Variants in SORT1 observed in about 807,000 individuals in gnomAD.
SORT1 encodes the protein sortilin 1.
Under a neutral mutation model 101.7 loss-of-function variants are expected in SORT1, and 39 were observed. That is an observed-to-expected ratio of 0.38 (90% CI 0.30 to 0.50). The LOEUF (loss-of-function observed/expected upper bound fraction) is 0.50. Ranked by LOEUF, SORT1 falls within the 20% of genes least tolerant of loss-of-function variation. The pLI is 0.90. For missense variants in SORT1, 878 were observed against 1,040.4 expected (o/e 0.84, Z 2.15); for synonymous variants, 396 against 393.7 (o/e 1.01, Z -0.07).
chr1:109,321,389 G>A (rs1647616220), intron 15 of SORT1, among the ~76,000 whole-genome samples: 1 of 152,096 alleles, frequency 6.6e-6, no homozygotes, highest in Non-Finnish European at 1.5e-5. Context: ...CATGTGCGGT[G>A]GCATGGAGGT....
At chr1:109,359,883 G>A (rs941417160) in intron 3 of SORT1, among the ~76,000 whole-genome samples, 3 of 152,132 alleles carry the variant, frequency 2.0e-5, no homozygotes, top group African/African-American at 7.2e-5. Flanking sequence ...AGACAAAGGT[G>A]AGACTCAAGG....
intron 17 of SORT1, among the ~76,000 whole-genome samples, chr1:109,315,886 T>G (rs1258998267): frequency 6.6e-6 from 1 of 151,298 alleles, no homozygotes; most frequent in African/African-American, 2.4e-5. Flanking sequence ...GCCTCCTGAG[T>G]AGCTGGGACT....
At position 109,321,785 on chromosome 1, in the gene SORT1, G is replaced by C. The variant is rs545135029; in HGVS notation, c.2024+1147C>G. Among the ~76,000 whole-genome samples, 6 of 152,314 alleles carry C rather than the reference G, an allele frequency of 3.9e-5. No homozygotes were observed. The East Asian group carries it at 1.2e-3, about 29-fold the overall frequency. ...CTTTTGCAGGTAACAAGTTCCAAAA[G>C]ATTATCATCTGTGATGTGAAGCAGT... On this transcript the variant is annotated intron_variant, in intron 15 of 19. Transcript: ENST00000256637.
At chr1:109,353,725 A>C (rs142479340) in intron 5 of SORT1, among the ~76,000 whole-genome samples, 128 of 152,296 alleles carry the variant, frequency 8.4e-4, no homozygotes, top group African/African-American at 3.0e-3. Context: ...GTAAAGTATA[A>C]TTCTGATTAT....
chr1:109,316,759 G>GT (rs1210424950), intron 17 of SORT1, 91 bp downstream of exon 17: 21 of 841,874 alleles, frequency 2.5e-5, no homozygotes, highest in Non-Finnish European at 1.7e-5. Context: ...CTTTTTATCA[G>GT]TAACAAAACT....
At chr1:109,326,897 GAATTATAGTCTGTA>G in intron 13 of SORT1, 81 bp downstream of exon 13, 2 of 957,362 alleles carry the variant, frequency 2.1e-6, no homozygotes, top group East Asian at 5.6e-5. Context: ...GCAAAAATTT[GAATTATAGTCTGTA>G]ACATCCCCCC....
chr1:109,390,647 T>C (rs1485223911), intron 1 of SORT1, among the ~76,000 whole-genome samples: 1 of 152,036 alleles, frequency 6.6e-6, no homozygotes, highest in Non-Finnish European at 1.5e-5. Context: ...TGGGAATTAT[T>C]GAAGTTAATA....
In SORT1 at chr1:109,314,351, C is replaced by G. The variant is rs1658909807; in HGVS notation, c.2391G>C (p.Gln797His). Residue 797 changes from glutamine to histidine, a missense_variant, in exon 19 of 20, where the codon CAG (glutamine) becomes CAC (histidine). Physicochemically the swap from Gln to His is conservative, Grantham distance 24. Around this residue, in one of 2 missense-constraint regions of SORT1, gnomAD observed 684 missense variants for 894.5 expected, o/e 0.76. Transcript: ENST00000256637. ...CATCCACACCATTGGCCTCTGCATG[C>G]TGCTGCAGCACAGAGTATCGATGCA... ...FLVHRYSVLQ[Q>H]HAEANGVDGV... 6.2e-7 allele frequency: 1 copy of G among 1,613,964 alleles called. No individual in the cohort carries two copies. Among genetic ancestry groups the G allele is most frequent in the Non-Finnish European group, 8.5e-7 (1 of 1,179,922 alleles).
chr1:109,321,277 T>TA (rs1217497153), intron 15 of SORT1, among the ~76,000 whole-genome samples: 6 of 152,148 alleles, frequency 3.9e-5, no homozygotes, highest in Admixed American at 1.3e-4. Flanking sequence ...AAAGCCCATC[T>TA]AGTGGTGATA....
intron 5 of SORT1, among the ~76,000 whole-genome samples, chr1:109,352,630 C>G (rs1650041438): frequency 6.6e-6 from 1 of 152,202 alleles, no homozygotes; most frequent in South Asian, 2.1e-4. Flanking sequence ...AACTTTTTCT[C>G]CCCTGGTAAT....
At chr1:109,394,104 C>G (rs995401621) in intron 1 of SORT1, among the ~76,000 whole-genome samples, 6 of 152,166 alleles carry the variant, frequency 3.9e-5, no homozygotes, top group Admixed American at 3.9e-4. Context: ...CATGGTAAGT[C>G]AAACCCTTAG....
intron 5 of SORT1, among the ~76,000 whole-genome samples, 192 bp from the exon 6 acceptor site, chr1:109,351,194 A>C (rs1362827453): frequency 6.6e-6 from 1 of 152,218 alleles, no homozygotes; most frequent in Non-Finnish European, 1.5e-5. Flanking sequence ...AGTTCAGAAT[A>C]ACAAATGCGT....
intron 8 of SORT1, 39 bp from the exon 9 acceptor site, chr1:109,342,197 C>T: frequency 6.6e-7 from 1 of 1,520,770 alleles, no homozygotes; most frequent in Admixed American, 1.8e-5. Flanking sequence ...TAATTTTCTG[C>T]CAAGATGCCA....
intron 1 of SORT1, 112 bp from the exon 2 acceptor site, chr1:109,369,701 C>A: frequency 1.3e-6 from 1 of 748,256 alleles, no homozygotes. Context: ...TTCATAATTA[C>A]AAAGTGGGTA....
rs1658756318 is a variant in SORT1, at chr1:109,311,984, C to A, written c.*2059G>T. 6.6e-6 allele frequency: 1 copy of A among 152,354 alleles called. No individual in the cohort carries two copies. Among genetic ancestry groups the A allele is most frequent in the Non-Finnish European group, 1.5e-5 (1 of 68,052 alleles). The allele number at this position is 152,354 out of a possible 1,614,324, so 9.4% of individuals were successfully genotyped here. A position where few individuals can be genotyped will look rare whatever the true frequency, so the allele number is the denominator to read the frequency against. ...TGAGTGAAGGTGCTCTGAAAATTTGCCAAGTTCCACAGAAATCCCAGATAT... is the reference window on the plus strand; with the variant it reads ...TGAGTGAAGGTGCTCTGAAAATTTGACAAGTTCCACAGAAATCCCAGATAT... On this transcript the variant is annotated 3_prime_UTR_variant, in exon 20 of 20. Transcript: ENST00000256637.
At position 109,314,798 on chromosome 1, in the gene SORT1, AAC is replaced by A. The variant is rs1180846329; in HGVS notation, c.2251-22_2251-21del. The A allele has an allele frequency of 2.1e-6, 3 of 1,458,434 alleles. No individual in the cohort carries two copies. The highest frequency in any genetic ancestry group is 1.7e-4 in the Middle Eastern group (1 of 5,786). 90.3% of individuals were successfully genotyped at this position (1,458,434 alleles called of 1,614,324 possible). A position where few individuals can be genotyped will look rare whatever the true frequency, so the allele number is the denominator to read the frequency against. ...GGAATTCTTGAGAAATTAAAACACA[AAC>A]ACAAAAGTTTTAGGCATGCATATCC... is the stretch of plus-strand genomic sequence containing the variant. On this transcript the variant is annotated intron_variant, in intron 17 of 19. Coordinates refer to ENST00000256637, the MANE Select transcript of SORT1 (RefSeq NM_002959.7).
At position 109,390,802 on chromosome 1, in the gene SORT1, C is replaced by T. The variant is rs867313217; in HGVS notation, c.306+6785G>A. On this transcript the variant is annotated intron_variant, in intron 1 of 19. Transcript: ENST00000256637. ...GTGTGTGTGTGTGTGTGTGTGTGCG[C>T]GCGCGCGTTTTAGGACATACAGGAA... 5.1e-4 allele frequency among the ~76,000 whole-genome samples: 73 copies of T among 142,470 alleles called. 1 individual carries two copies. Among genetic ancestry groups the T allele is most frequent in the African/African-American group, 1.5e-3 (54 of 34,914 alleles). The allele number at this position is 142,470 out of a possible 152,430, so 93.5% of individuals were successfully genotyped here. A position where few individuals can be genotyped will look rare whatever the true frequency, so the allele number is the denominator to read the frequency against.
chr1:109,327,679 C>T, intron 11 of SORT1, 78 bp from the exon 12 acceptor site: 1 of 940,438 alleles, frequency 1.1e-6, no homozygotes, highest in Non-Finnish European at 1.6e-6. Flanking sequence ...AAAACCCTTC[C>T]AATAAAGCTT....
Position 109,322,161 on chromosome 1 carries a change from C to G in SORT1, c.2024+771G>C, listed in dbSNP as rs1344850623. On this transcript the variant is annotated intron_variant, in intron 15 of 19. Coordinates refer to ENST00000256637, the MANE Select transcript of SORT1 (RefSeq NM_002959.7). The stretch of plus-strand genomic sequence containing the variant: ...TCATATTGCCCAAGCTGGTCTCAAA[C>G]TCCTGAGTTTAAGCAATCCACCCGC... Among the ~76,000 whole-genome samples the G allele has an allele frequency of 2.0e-5, 3 of 151,646 alleles. No individual in the cohort carries two copies. The East Asian group carries it at 5.8e-4, about 29-fold the overall frequency.
Sources: allele counts gnomAD v4.1 joint callset (sites outside exome capture counted in the v4.1 genomes callset), GRCh38; gene constraint gnomAD v4.1.1; regional missense constraint gnomAD v4.1.1; transcripts MANE v1.5; gene names NCBI Gene and HGNC (gene_info 2026-07-23, HGNC 2026-07-21).